SLC18A1: variants seen among roughly 807,000 people sequenced by gnomAD.
SLC18A1 encodes the protein chromaffin granule amine transporter.
Under a neutral mutation model 53.7 loss-of-function variants are expected in SLC18A1, and 69 were observed. The ratio of observed to expected loss-of-function variants is 1.28; its 90% CI spans 1.06 to 1.57. The LOEUF is 1.57. Among genes scored for constraint, SLC18A1 ranks in the 40% most tolerant of loss-of-function variants. The probability of loss-of-function intolerance (pLI) is 0.00; values close to 1 mark genes in which losing one functional copy is unlikely to be tolerated. For missense variants in SLC18A1, 932 were observed against 668.1 expected, an observed-to-expected ratio of 1.40 and a Z score of -4.35; for synonymous variants, 320 against 248.1, an observed-to-expected ratio of 1.29 and a Z score of -2.72.
chr8:20,156,738 A>C (rs1169872472), intron 10 of SLC18A1, among the ~76,000 whole-genome samples: 1 of 152,238 alleles, frequency 6.6e-6, no homozygotes, highest in East Asian at 1.9e-4. Context: ...GGCAACAAAA[A>C]GTTTAAGATC....
Position 20,179,316 on chromosome 8 carries a change from C to G in SLC18A1, c.293G>C (p.Ser98Thr), listed in dbSNP as rs2270637. The change falls in exon 3 of 16, where the codon AGT becomes ACT. Residue 98 changes from serine (S) to threonine (T), a missense_variant. Physicochemically the swap from Ser to Thr is moderately conservative, Grantham distance 58. Coordinates refer to ENST00000276373, the MANE Select transcript of SLC18A1 (RefSeq NM_003053.4). ...NTVAVEESVP[S>T]GIAWMNDTAS... ...AGTGTCATTCATCCATGCTATTCCA[C>G]TAGGTACGCTTTCTTCAACAGCCAC... 318,466 of 1,613,998 alleles carry G rather than the reference C, an allele frequency of 0.2. 32,335 individuals carry two copies. The highest frequency in any genetic ancestry group is 0.23 in the African/African-American group (17,524 of 74,982).
intron 10 of SLC18A1, among the ~76,000 whole-genome samples, chr8:20,160,960 T>C (rs2071816041): frequency 6.6e-6 from 1 of 152,162 alleles, no homozygotes; most frequent in Admixed American, 6.5e-5. Context: ...AATCTATTCA[T>C]AAAGGTGGTG....
At chr8:20,176,063 G>A (rs570138665) in intron 4 of SLC18A1, 36 of 152,304 alleles carry the variant, frequency 2.4e-4, no homozygotes, top group African/African-American at 8.2e-4. Context: ...CTACAGTGTG[G>A]ACATGGGTTG....
At chr8:20,170,980 G>C (rs2072100183) in intron 8 of SLC18A1, 123 bp downstream of exon 8, 1 of 904,720 alleles carries the variant, frequency 1.1e-6, no homozygotes, top group Non-Finnish European at 1.8e-6. Flanking sequence ...TCCAAACACA[G>C]TTCTCACTTT....
intron 10 of SLC18A1, among the ~76,000 whole-genome samples, chr8:20,157,580 G>A (rs2071715003): frequency 6.6e-6 from 1 of 152,158 alleles, no homozygotes; most frequent in Admixed American, 6.5e-5. Context: ...CTGCCTTTCT[G>A]GAGACACTAA....
At position 20,171,465 on chromosome 8, in the gene SLC18A1, C is replaced by G; in HGVS notation, c.754G>C (p.Glu252Gln). 1 of 1,614,120 alleles carries G rather than the reference C, an allele frequency of 6.2e-7. No homozygotes were observed. Among genetic ancestry groups the G allele is most frequent in the South Asian group, 1.1e-5 (1 of 91,068 alleles). Residue 252 changes from glutamate to glutamine, a missense_variant, in exon 7 of 16, where the codon GAG becomes CAG. By Grantham distance (29) the Glu-to-Gln change is conservative. Coordinates refer to ENST00000276373, the MANE Select transcript of SLC18A1 (RefSeq NM_003053.4). ...AAGGGTGCAGACTTCCCAACAAACT[C>G]GTACATTACACTTCCAAAGGGAGCT... The part of the protein sequence containing the change: ...VGAPFGSVMY[E>Q]FVGKSAPFLI...
chr8:20,171,519 T>A, intron 6 of SLC18A1, 25 bp from the exon 7 acceptor site: 1 of 1,568,792 alleles, frequency 6.4e-7, no homozygotes, highest in Non-Finnish European at 8.8e-7. Flanking sequence ...GAGACACAGA[T>A]TCCAGAGGTG....
chr8:20,174,380 A>T lies in SLC18A1; in HGVS notation c.612T>A (p.Ser204=), dbSNP rs1435626789. ...TGTTACCTGCAACAGATGAAAATGA[A>T]GATCCAATGCCTTGAAGGGTTCGGG... ...FVARTLQGIG[S]SFSSVAGLGM... The change falls in exon 5 of 16, where the codon TCT becomes TCA. Residue 204 remains serine, a synonymous_variant. Coordinates refer to ENST00000276373, the MANE Select transcript of SLC18A1 (RefSeq NM_003053.4). 6.2e-7 allele frequency: 1 copy of T among 1,613,872 alleles called. No individual in the cohort carries two copies. Among genetic ancestry groups the T allele is most frequent in the Non-Finnish European group, 8.5e-7 (1 of 1,179,778 alleles).
intron 12 of SLC18A1, 83 bp downstream of exon 12, chr8:20,149,593 T>C (rs866275592): frequency 9.1e-5 from 50 of 548,576 alleles, no homozygotes; most frequent in South Asian, 2.0e-4. Context: ...TCTCTCCCTC[T>C]CTCTCTCTCT....
At chr8:20,169,878 C>T (rs149629586) in intron 8 of SLC18A1, among the ~76,000 whole-genome samples, 1 of 152,242 alleles carries the variant, frequency 6.6e-6, no homozygotes, top group Non-Finnish European at 1.5e-5. Flanking sequence ...GACTCCGTCT[C>T]AAAAAAGTAG....
chr8:20,172,394 G>A (rs2072146006), intron 6 of SLC18A1, among the ~76,000 whole-genome samples: 1 of 152,210 alleles, frequency 6.6e-6, no homozygotes, highest in Admixed American at 6.5e-5. Flanking sequence ...TTTTCGATGA[G>A]CTTGTAAGCT....
At chr8:20,151,794 CCATT>C (rs145356190) in intron 10 of SLC18A1, among the ~76,000 whole-genome samples, 18 of 152,110 alleles carry the variant, frequency 1.2e-4, no homozygotes, top group Middle Eastern at 3.4e-3. Flanking sequence ...TGAGTCTCTT[CCATT>C]CATTCATTCA....
At chr8:20,166,287 G>GTGTGTGTGTGTATA (rs1235212014) in intron 8 of SLC18A1, among the ~76,000 whole-genome samples, 1 of 78,998 alleles carries the variant, frequency 1.3e-5, no homozygotes, top group African/African-American at 5.5e-5. Context: ...GTGTGTGTGT[G>GTGTGTGTGTGTATA]TCTATATATA....
chr8:20,149,194 TTC>T (rs2071481885), intron 12 of SLC18A1, among the ~76,000 whole-genome samples: 1 of 152,142 alleles, frequency 6.6e-6, no homozygotes, highest in South Asian at 2.1e-4. Flanking sequence ...GGAAAAGTCC[TTC>T]TTTCTTTCTT....
At chr8:20,164,604 T>A (rs1411056975) in intron 10 of SLC18A1, among the ~76,000 whole-genome samples, 1 of 152,138 alleles carries the variant, frequency 6.6e-6, no homozygotes, top group Non-Finnish European at 1.5e-5. Flanking sequence ...AAAACCTGAA[T>A]CTTTGGACTG....
chr8:20,167,270 G>A (rs1046818488), intron 8 of SLC18A1, among the ~76,000 whole-genome samples: 3 of 152,142 alleles, frequency 2.0e-5, no homozygotes, highest in Non-Finnish European at 4.4e-5. Flanking sequence ...TATTCATTAA[G>A]TCTAAGGGAA....
chr8:20,175,299 T>C (rs1347052503), intron 4 of SLC18A1: 1 of 152,194 alleles, frequency 6.6e-6, no homozygotes, highest in Admixed American at 6.5e-5. Context: ...TTATGAACAA[T>C]TTGTGCAGTT....
rs1263459763 is a variant in SLC18A1 at position 20,181,038 on chromosome 8, G to T, written c.-74C>A. On this transcript the variant is annotated 5_prime_UTR_variant, in exon 2 of 16. Transcript: ENST00000276373. ...GTCCTGTGACAGCTACAGGTCTCCT[G>T]CAGCCTTTATGGAAGAGGGGAGGGA... is the stretch of plus-strand genomic sequence containing the variant. The T allele has an allele frequency of 6.6e-7, 1 of 1,505,100 alleles. No homozygotes were observed. Among genetic ancestry groups the T allele is most frequent in the Admixed American group, 2.1e-5 (1 of 47,840 alleles). The allele number at this position is 1,505,100 out of a possible 1,614,324, so 93.2% of individuals were successfully genotyped here. A position where few individuals can be genotyped will look rare whatever the true frequency, so the allele number is the denominator to read the frequency against.
At position 20,179,159 on chromosome 8, in the gene SLC18A1, T is replaced by A. The variant is rs942507129; in HGVS notation, c.450A>T (p.Gln150His). Residue 150 changes from glutamine (Q) to histidine (H), a missense_variant, in exon 3 of 16, where the codon CAA becomes CAT. By Grantham distance (24) the Gln-to-His change is conservative (BLOSUM62 0). Transcript: ENST00000276373. The stretch of plus-strand genomic sequence containing the variant: ...GGCCCACGAATGGGTTGACCAGAAG[T>A]TGCATCACAGCCTTTGAAGCAAACA... ...GVLFASKAVM[Q>H]LLVNPFVGPL... 6.2e-7 allele frequency: 1 copy of A among 1,613,906 alleles called. No homozygotes were observed. The highest frequency in any genetic ancestry group is 8.5e-7 in the Non-Finnish European group (1 of 1,179,862).
Sources: gnomAD v4.1 joint callset for allele counts (sites outside exome capture counted in the v4.1 genomes callset) on GRCh38, gnomAD v4.1.1 for gene constraint, MANE v1.5 for transcripts, NCBI Gene and HGNC (gene_info 2026-07-23, HGNC 2026-07-21) for gene names.